EMP2: variants seen among roughly 807,000 people sequenced by gnomAD.
EMP2 encodes epithelial membrane protein 2.
A neutral mutation model predicts 13.7 loss-of-function variants in EMP2; 19 were observed. That is an observed-to-expected ratio of 1.38 (90% CI 0.97 to 2.03). The LOEUF (loss-of-function observed/expected upper bound fraction) is 2.03, where lower values mean the gene tolerates loss of function less well. EMP2 is among the 30% of genes most tolerant of loss of function. The pLI is 0.00. For missense variants in EMP2, 253 were observed against 220.7 expected (o/e 1.15, Z -0.93); for synonymous variants, 97 against 84.7 (o/e 1.15, Z -0.80).
At chr16:10,548,100 C>G (rs1182633712) in intron 1 of EMP2, among the ~76,000 whole-genome samples, 2 of 152,170 alleles carry the variant, frequency 1.3e-5, no homozygotes, top group East Asian at 3.9e-4. Flanking sequence ...CATCTTTACT[C>G]GCCTGGAGAC....
At chr16:10,566,550 A>T (rs1029519436) in intron 1 of EMP2, among the ~76,000 whole-genome samples, 20 of 152,232 alleles carry the variant, frequency 1.3e-4, no homozygotes, top group Admixed American at 6.5e-5. Context: ...ATTTAATGTC[A>T]TGTGATGACA....
rs758814214 is a variant in EMP2, at chr16:10,547,593, T to C, written c.25A>G (p.Ile9Val). MLVLLAFIIAFHITSAALL... is the reference protein window; with the variant it reads MLVLLAFIVAFHITSAALL... ...GCTGCAGAGGTGATGTGGAAGGCGA[T>C]GATGAAAGCAAGAAGCACCAACATT... Residue 9 changes from isoleucine to valine, a missense_variant, in exon 2 of 5, where the codon ATC becomes GTC. By Grantham distance (29) the Ile-to-Val change is conservative. Coordinates refer to ENST00000359543, the MANE Select transcript of EMP2 (RefSeq NM_001424.6). 2.5e-6 allele frequency: 4 copies of C among 1,613,920 alleles called. No homozygotes were observed. The highest frequency in any genetic ancestry group is 1.3e-5 in the African/African-American group (1 of 74,852).
At chr16:10,566,926 C>T (rs1306363676) in intron 1 of EMP2, among the ~76,000 whole-genome samples, 1 of 152,118 alleles carries the variant, frequency 6.6e-6, no homozygotes, top group Non-Finnish European at 1.5e-5. Flanking sequence ...ACCAAGCTCA[C>T]CTCCCACCCC....
At chr16:10,553,172 C>A (rs1488183573) in intron 1 of EMP2, among the ~76,000 whole-genome samples, 1 of 152,164 alleles carries the variant, frequency 6.6e-6, no homozygotes, top group African/African-American at 2.4e-5. Context: ...TAAAAATAAC[C>A]CTTTACTCCT....
At chr16:10,579,840 C>A (rs940306958) in intron 1 of EMP2, among the ~76,000 whole-genome samples, 7 of 152,142 alleles carry the variant, frequency 4.6e-5, no homozygotes, top group African/African-American at 1.4e-4. Context: ...CATGTCCAGC[C>A]CCACATCTTC....
intron 1 of EMP2, among the ~76,000 whole-genome samples, chr16:10,574,595 G>T (rs2142213493): frequency 1.3e-5 from 2 of 151,780 alleles, no homozygotes; most frequent in Middle Eastern, 3.4e-3. Context: ...GTCTCGCTCT[G>T]TCACCCAGGC....
chr16:10,547,736 A>C, intron 1 of EMP2, 59 bp from the exon 2 acceptor site: 2 of 1,030,112 alleles, frequency 1.9e-6, no homozygotes, highest in Non-Finnish European at 2.9e-6. Flanking sequence ...AAATTACAAT[A>C]AAAAATAAAC....
At chr16:10,566,500 C>G (rs2050907591) in intron 1 of EMP2, among the ~76,000 whole-genome samples, 1 of 152,144 alleles carries the variant, frequency 6.6e-6, no homozygotes, top group Non-Finnish European at 1.5e-5. Context: ...ATCAGAAGAA[C>G]TGAAAGAGAA....
intron 1 of EMP2, among the ~76,000 whole-genome samples, chr16:10,576,938 A>T (rs2050987909): frequency 6.6e-6 from 1 of 152,180 alleles, no homozygotes; most frequent in African/African-American, 2.4e-5. Context: ...GCTCAGTGGG[A>T]AGTGACCTAC....
chr16:10,536,505 C>G (rs889576306), intron 4 of EMP2, among the ~76,000 whole-genome samples: 1 of 152,210 alleles, frequency 6.6e-6, no homozygotes, highest in South Asian at 2.1e-4. Context: ...CCTGCACACG[C>G]TCTCTTTCCC....
At chr16:10,562,767 C>T (rs565876760) in intron 1 of EMP2, among the ~76,000 whole-genome samples, 48 of 152,340 alleles carry the variant, frequency 3.2e-4, no homozygotes, top group Non-Finnish European at 5.1e-4. Context: ...CTGACCTTCC[C>T]CAGTGCCCAA....
intron 2 of EMP2, 79 bp downstream of exon 2, chr16:10,547,461 T>G: frequency 6.9e-5 from 101 of 1,464,882 alleles, no homozygotes; most frequent in Middle Eastern, 3.5e-4. Flanking sequence ...ATCAGCAGCA[T>G]GAGAACAGAC....
At chr16:10,561,768 G>A (rs578215868) in intron 1 of EMP2, among the ~76,000 whole-genome samples, 52 of 152,294 alleles carry the variant, frequency 3.4e-4, no homozygotes, top group Admixed American at 5.2e-4. Context: ...CTTAGAACAC[G>A]TCTTCCTTAT....
rs762422231 is a variant in EMP2, at chr16:10,538,059, T to C, written c.185A>G (p.Gln62Arg). The change falls in exon 4 of 5, where the codon CAG becomes CGG. Residue 62 changes from glutamine to arginine, a missense_variant. Gln to Arg is a conservative substitution (Grantham distance 43, BLOSUM62 1). Transcript: ENST00000359543. ...NDSFQEYSTL[Q>R]AVQATMILST... ...GAGGATCATGGTGGCCTGGACCGCC[T>C]GCAGCGTGGAGTACTCTGCGGGAAA... The C allele has an allele frequency of 3.3e-5, 53 of 1,613,726 alleles. No individual in the cohort carries two copies. The highest frequency in any genetic ancestry group is 4.5e-5 in the Non-Finnish European group (53 of 1,179,966).
intron 1 of EMP2, among the ~76,000 whole-genome samples, chr16:10,579,535 C>A (rs1235818119): frequency 6.6e-6 from 1 of 152,082 alleles, no homozygotes; most frequent in Non-Finnish European, 1.5e-5. Context: ...ACAGTAACTC[C>A]CGGTTCCCAG....
At chr16:10,568,780 C>CTTTTTTTTTTT (rs58406598) in intron 1 of EMP2, among the ~76,000 whole-genome samples, 5 of 85,232 alleles carry the variant, frequency 5.9e-5, no homozygotes, top group South Asian at 4.7e-4. Context: ...CTAGGATTTT[C>CTTTTTTTTTTT]TTTTTTTTTT....
At chr16:10,540,960 C>T (rs904592291) in intron 3 of EMP2, among the ~76,000 whole-genome samples, 2 of 152,090 alleles carry the variant, frequency 1.3e-5, no homozygotes, top group African/African-American at 4.8e-5. Context: ...TGGTGGCACA[C>T]ACCCATAATC....
Position 10,538,006 on chromosome 16 carries a change from A to G in EMP2, c.238T>C (p.Phe80Leu), listed in dbSNP as rs1438311241. The part of the protein sequence containing the change: ...LSTILCCIAF[F>L]IFVLQLFRLK... ...CGGAAGAGCTGGAGCACGAAGATGA[A>G]GAAGGCGATGCAGCAGAGAATGGTG... The change falls in exon 4 of 5, where the codon TTC becomes CTC. Residue 80 changes from phenylalanine (F) to leucine (L), a missense_variant. By Grantham distance (22) the Phe-to-Leu change is conservative. Transcript: ENST00000359543. 42 of 1,614,008 alleles carry G rather than the reference A, an allele frequency of 2.6e-5. No homozygotes were observed. Among genetic ancestry groups the G allele is most frequent in the Non-Finnish European group, 3.5e-5 (41 of 1,180,018 alleles).
chr16:10,529,931 C>CAAAAAAAAAAAAAAA lies in EMP2; in HGVS notation c.*2959_*2973dup, dbSNP rs58318805. ...GGGCAACAAGAGCAAAACTCAGTCT[C>CAAAAAAAAAAAAAAA]AAAAAAAAAAAAAAAAAAGAAAAAG... On this transcript the variant is annotated 3_prime_UTR_variant, in exon 5 of 5. Coordinates refer to ENST00000359543, the MANE Select transcript of EMP2 (RefSeq NM_001424.6). 1 of 75,408 alleles carries CAAAAAAAAAAAAAAA rather than the reference C, an allele frequency of 1.3e-5. No individual in the cohort carries two copies. The highest frequency in any genetic ancestry group is 4.3e-5 in the African/African-American group (1 of 23,200). The allele number at this position is 75,408 out of a possible 1,614,324, so 4.7% of individuals were successfully genotyped here. A position where few individuals can be genotyped will look rare whatever the true frequency, so the allele number is the denominator to read the frequency against.
Sources: allele counts gnomAD v4.1 joint callset (sites outside exome capture counted in the v4.1 genomes callset), GRCh38; gene constraint gnomAD v4.1.1; transcripts MANE v1.5; gene names NCBI Gene and HGNC (gene_info 2026-07-23, HGNC 2026-07-21).